CD72: variants seen among roughly 807,000 people sequenced by gnomAD.
The protein encoded by CD72 is CD72 molecule, also known as B-cell differentiation antigen CD72.
CD72 carries 28 observed loss-of-function variants against 50.7 expected under a neutral mutation model. That is an observed-to-expected ratio of 0.55 (90% CI 0.41 to 0.76). The LOEUF (loss-of-function observed/expected upper bound fraction) is 0.76. Ranked by LOEUF, CD72 falls within the 30% of genes least tolerant of loss-of-function variation. CD72 has a pLI of 0.00. For synonymous variants in CD72, 176 were observed against 171.2 expected, an observed-to-expected ratio of 1.03 and a Z score of -0.22; for missense variants, 403 against 420.6, an observed-to-expected ratio of 0.96 and a Z score of 0.37.
chr9:35,633,201 C>G (rs2131784571), intron 1 of CD72, among the ~76,000 whole-genome samples: 1 of 151,762 alleles, frequency 6.6e-6, no homozygotes, highest in South Asian at 2.1e-4. Flanking sequence ...CTTGGCTTCC[C>G]AAAGCGCTGG....
intron 1 of CD72, among the ~76,000 whole-genome samples, chr9:35,644,350 C>CAAAAAAAA (rs74176726): frequency 4.4e-5 from 3 of 68,190 alleles, no homozygotes; most frequent in African/African-American, 1.2e-4. Flanking sequence ...AACTCTGTCT[C>CAAAAAAAA]AAAAAAAAAA....
intron 1 of CD72, among the ~76,000 whole-genome samples, chr9:35,635,055 C>T (rs988892649): frequency 2.6e-5 from 4 of 152,144 alleles, no homozygotes; most frequent in African/African-American, 9.7e-5. Context: ...GGTTGCAGGC[C>T]TTTTCTTTCA....
In CD72 at chr9:35,616,072, C is replaced by T. The variant is rs774157764; in HGVS notation, c.559G>A (p.Ala187Thr). The T allele has an allele frequency of 1.2e-6, 2 of 1,614,056 alleles. No homozygotes were observed. Among genetic ancestry groups the T allele is most frequent in the Admixed American group, 1.7e-5 (1 of 60,004 alleles). The change falls in exon 5 of 9, where the codon GCC becomes ACC. Residue 187 changes from alanine to threonine, a missense_variant. Ala to Thr is a moderately conservative substitution (Grantham distance 58). Transcript: ENST00000259633. ...GTCTTCTGTCTGTCTGCCTGGCAGG[C>T]CTGTAGCTGCCCTTCGGCCGCCTGA... is the stretch of plus-strand genomic sequence containing the variant. ...AHQAAEGQLQ[A>T]CQADRQKTKE... is the part of the protein sequence containing the mutation.
chr9:35,632,876 C>G (rs1015936260), intron 1 of CD72, among the ~76,000 whole-genome samples: 4 of 150,434 alleles, frequency 2.7e-5, no homozygotes, highest in Non-Finnish European at 5.9e-5. Flanking sequence ...CTGTGCCCAG[C>G]CTTATTAGCT....
rs2131763792 is a variant in CD72, at chr9:35,616,044, T to C, written c.587A>G (p.Lys196Arg). ...TTGCTCCTCACTTTGCAAGGTCTCC[T>C]TCGTCTTCTGTCTGTCTGCCTGGCA... ...QACQADRQKTKETLQSEEQQR... is the reference protein window; with the variant it reads ...QACQADRQKTRETLQSEEQQR... The change falls in exon 5 of 9, where the codon AAG (lysine) becomes AGG (arginine). Residue 196 changes from lysine (K) to arginine (R), a missense_variant. Lys to Arg is a conservative substitution (Grantham distance 26). Transcript: ENST00000259633. The C allele has an allele frequency of 1.2e-6, 2 of 1,614,154 alleles. No homozygotes were observed. The highest frequency in any genetic ancestry group is 4.5e-5 in the East Asian group (2 of 44,876).
intron 1 of CD72, among the ~76,000 whole-genome samples, chr9:35,642,214 T>G (rs2131793012): frequency 6.6e-6 from 1 of 152,330 alleles, no homozygotes; most frequent in South Asian, 2.1e-4. Context: ...AGCAATTACT[T>G]GTTGACAGTT....
At chr9:35,641,554 A>G (rs1263718565) in intron 1 of CD72, among the ~76,000 whole-genome samples, 1 of 152,196 alleles carries the variant, frequency 6.6e-6, no homozygotes, top group East Asian at 1.9e-4. Flanking sequence ...AGCTGCAGGC[A>G]TAAGTATTTT....
At chr9:35,636,148 T>C (rs1823287947) in intron 1 of CD72, among the ~76,000 whole-genome samples, 1 of 152,082 alleles carries the variant, frequency 6.6e-6, no homozygotes, top group Non-Finnish European at 1.5e-5. Flanking sequence ...TGACCTGAGT[T>C]TTGTAGGTTG....
Position 35,625,545 on chromosome 9 carries a change from G to C in CD72, n.409-7424C>G, listed in dbSNP as rs1823188349. Reference sequence around the variant, plus strand: ...CAAGTTATCCAGAAGATCTAACTAAGATCATTGATGAAGGTGGCTACACTA... The same window carrying C: ...CAAGTTATCCAGAAGATCTAACTAACATCATTGATGAAGGTGGCTACACTA... On this transcript the variant is annotated intron_variant and non_coding_transcript_variant, in intron 1 of 3. Coordinates refer to the CD72 transcript ENST00000465754. Among the ~76,000 whole-genome samples, 4 of 152,220 alleles carry C rather than the reference G, an allele frequency of 2.6e-5. No individual in the cohort carries two copies. In the South Asian group the frequency reaches 8.3e-4, roughly 31 times the overall value.
chr9:35,617,149 G>A, intron 3 of CD72, 27 bp downstream of exon 3: 1 of 1,552,476 alleles, frequency 6.4e-7, no homozygotes, highest in South Asian at 1.2e-5. Context: ...ACTTGGCCCC[G>A]CGGCTGCCCC....
chr9:35,616,766 G>A (rs979514382), intron 3 of CD72, 77 bp from the exon 4 acceptor site: 48 of 1,278,646 alleles, frequency 3.8e-5, no homozygotes, highest in Admixed American at 3.0e-4. Context: ...GGTCCGTGGG[G>A]GAGACCCCTG....
intron 6 of CD72, 28 bp downstream of exon 6, chr9:35,612,819 CT>C: frequency 6.2e-7 from 1 of 1,609,398 alleles, no homozygotes; most frequent in Non-Finnish European, 8.5e-7. Context: ...ATAGTACCCA[CT>C]GCAGTCTGTG....
intron 7 of CD72, among the ~76,000 whole-genome samples, chr9:35,611,124 G>A (rs768619073): frequency 4.6e-5 from 7 of 152,272 alleles, no homozygotes; most frequent in Non-Finnish European, 7.4e-5. Flanking sequence ...GGCGGTGTGC[G>A]CCTGTAGTCC....
Position 35,615,785 on chromosome 9 carries a change from C to T in CD72, c.688+158G>A, listed in dbSNP as rs147713855. Among the ~76,000 whole-genome samples the T allele has an allele frequency of 1.3e-3, 196 of 145,742 alleles. 1 individual carries two copies. The Middle Eastern group carries it at 0.021, about 16-fold the overall frequency. Reference sequence around the variant, plus strand: ...ATCTAGTATGCAGCTTGGTCCTTCTCTCTGTTGGCCAAGGCTGAACAGCTC... The same window carrying T: ...ATCTAGTATGCAGCTTGGTCCTTCTTTCTGTTGGCCAAGGCTGAACAGCTC... On this transcript the variant is annotated intron_variant, in intron 5 of 8. Transcript: ENST00000259633.
chr9:35,625,747 ACCATTCTCAGAAT>A (rs1823190222), intron 1 of CD72, among the ~76,000 whole-genome samples: 1 of 152,210 alleles, frequency 6.6e-6, no homozygotes, highest in African/African-American at 2.4e-5. Context: ...GTGCTCATTT[ACCATTCTCAGAAT>A]CCTAGGGCCC....
rs754128890 is a variant in CD72 at position 35,612,992 on chromosome 9, G to A, written c.690C>T (p.Asp230=). 3 of 1,607,896 alleles carry A rather than the reference G, an allele frequency of 1.9e-6. No individual in the cohort carries two copies. Among genetic ancestry groups the A allele is most frequent in the East Asian group, 2.2e-5 (1 of 44,798 alleles). ...LKPFFTCGSA[D]TCCPSGWIMH... The stretch of plus-strand genomic sequence containing the variant: ...TTATCCATCCCGACGGACAGCAGGT[G>A]TCTAAAAAGCAGAAAGAGTGTGATA... Residue 230 remains aspartate, a splice_region_variant and synonymous_variant, in exon 6 of 9, where the codon GAC becomes GAT. Transcript: ENST00000259633.
chr9:35,640,575 G>A (rs1208150047), intron 1 of CD72, among the ~76,000 whole-genome samples: 2 of 152,376 alleles, frequency 1.3e-5, no homozygotes, highest in East Asian at 3.9e-4. Context: ...TAGCACGATC[G>A]GGAGTGGCAA....
intron 2 of CD72, among the ~76,000 whole-genome samples, 187 bp downstream of exon 2, chr9:35,617,824 GGGA>G (rs1823091426): frequency 1.3e-5 from 2 of 152,156 alleles, no homozygotes; most frequent in African/African-American, 4.8e-5. Flanking sequence ...CCAACACTTT[GGGA>G]GGCCAGGGCA....
chr9:35,645,100 G>C (rs903542740), intron 1 of CD72, among the ~76,000 whole-genome samples: 5 of 151,390 alleles, frequency 3.3e-5, no homozygotes, highest in Non-Finnish European at 5.9e-5. Context: ...TCGGGAGGTT[G>C]AGGCAGAAGA....
Sources: gnomAD v4.1 joint callset for allele counts (sites outside exome capture counted in the v4.1 genomes callset) on GRCh38, gnomAD v4.1.1 for gene constraint, MANE v1.5 for transcripts, NCBI Gene and HGNC (gene_info 2026-07-23, HGNC 2026-07-21) for gene names.